Variants in CDH4 observed in about 807,000 individuals in gnomAD.
CDH4 encodes the protein cadherin 4, also known as cadherin-4.
A neutral mutation model predicts 86.0 loss-of-function variants in CDH4; 33 were observed. The ratio of observed to expected loss-of-function variants is 0.38; its 90% CI spans 0.29 to 0.51. CDH4 has a LOEUF of 0.51. CDH4 is among the 20% of genes least tolerant of loss of function. The pLI, the probability that CDH4 is intolerant of heterozygous loss-of-function variation, is 0.86. For synonymous variants in CDH4, 555 were observed against 549.4 expected (o/e 1.01, Z -0.14); for missense variants, 1,114 against 1,307.4 (o/e 0.85, Z 2.28).
At chr20:61,398,389 G>T (rs1334472430) in intron 2 of CDH4, among the ~76,000 whole-genome samples, 1 of 152,214 alleles carries the variant, frequency 6.6e-6, no homozygotes. Context: ...ACTCTGTGAG[G>T]CAGGGCTCCC....
chr20:61,380,123 C>A (rs2084891832), intron 2 of CDH4, among the ~76,000 whole-genome samples: 1 of 152,142 alleles, frequency 6.6e-6, no homozygotes, highest in African/African-American at 2.4e-5. Context: ...ACAGCCACTG[C>A]CTGCTTCACT....
At chr20:61,633,108 ATCCG>A (rs2086910896) in intron 2 of CDH4, among the ~76,000 whole-genome samples, 1 of 148,660 alleles carries the variant, frequency 6.7e-6, no homozygotes, top group South Asian at 2.2e-4. Flanking sequence ...CCATCCATCC[ATCCG>A]TCCATTCACC....
At chr20:61,624,819 G>A (rs906424686) in intron 2 of CDH4, among the ~76,000 whole-genome samples, 4 of 152,174 alleles carry the variant, frequency 2.6e-5, no homozygotes, top group East Asian at 1.9e-4. Flanking sequence ...GGGAGCCGAC[G>A]CTGGCATGGG....
chr20:61,932,990 G>T lies in CDH4; in HGVS notation c.2245G>T (p.Val749Phe). ...LICILILLTM[V>F]LLFVMWMKRR... is the part of the protein sequence containing the mutation. ...CGGGCAGCCCTCCCCCACAGCCATG[G>T]TCCTGCTGTTTGTCATGTGGATGAA... The change falls in exon 14 of 16, where the codon GTC (valine) becomes TTC (phenylalanine). Residue 749 changes from valine to phenylalanine, a missense_variant. Transcript: ENST00000614565. 6.2e-7 allele frequency: 1 copy of T among 1,613,040 alleles called. No individual in the cohort carries two copies. The highest frequency in any genetic ancestry group is 8.5e-7 in the Non-Finnish European group (1 of 1,179,764).
At position 61,731,932 on chromosome 20, in the gene CDH4, C is replaced by G. The variant is rs769960375; in HGVS notation, c.170-11631C>G. On this transcript the variant is annotated intron_variant, in intron 2 of 15. Transcript: ENST00000614565. ...CAGAACCCAGGTTGCCCCACCTGCA[C>G]GGTCCCCCTACCCACCCACTCCCCT... is the stretch of plus-strand genomic sequence containing the variant. Among the ~76,000 whole-genome samples the G allele has an allele frequency of 1.4e-4, 22 of 152,238 alleles. No homozygotes were observed. In the East Asian group the frequency reaches 4.1e-3, roughly 28 times the overall value.
At chr20:61,335,956 A>T (rs916193848) in intron 2 of CDH4, among the ~76,000 whole-genome samples, 4 of 152,180 alleles carry the variant, frequency 2.6e-5, no homozygotes, top group African/African-American at 9.7e-5. Flanking sequence ...TTTTTTAATG[A>T]TGAAAGTAGA....
rs1218875191 is a variant in CDH4 at position 61,845,877 on chromosome 20, C to G, written c.732+1054C>G. ...CGAACAGGGCCCGACCCTGCAGCTT[C>G]TCACGTCTGTGACTATTTGTTTTGG... is the stretch of plus-strand genomic sequence containing the variant. On this transcript the variant is annotated intron_variant, in intron 5 of 15. Coordinates refer to ENST00000614565, the MANE Select transcript of CDH4 (RefSeq NM_001794.5). Among the ~76,000 whole-genome samples, 4 of 152,388 alleles carry G rather than the reference C, an allele frequency of 2.6e-5. No individual in the cohort carries two copies. In the East Asian group the frequency reaches 7.7e-4, roughly 29 times the overall value.
At chr20:61,368,583 C>T (rs541172358) in intron 2 of CDH4, among the ~76,000 whole-genome samples, 2 of 152,138 alleles carry the variant, frequency 1.3e-5, no homozygotes, top group African/African-American at 4.8e-5. Context: ...ACTGTGTCAC[C>T]CAGGCTCACT....
intron 2 of CDH4, among the ~76,000 whole-genome samples, chr20:61,496,329 A>G (rs2085662292): frequency 3.3e-5 from 5 of 151,034 alleles, no homozygotes; most frequent in Admixed American, 2.6e-4. Context: ...TTGAACCAGG[A>G]GGAAGTTGAG....
intron 7 of CDH4, among the ~76,000 whole-genome samples, chr20:61,892,870 AAGGAATAGAAAGACAG>A (rs556400164): frequency 1.3e-5 from 2 of 152,066 alleles, no homozygotes; most frequent in South Asian, 4.2e-4. Context: ...GGGAAGGAGG[AAGGAATAGAAAGACAG>A]AGGGATGGAA....
At chr20:61,844,616 G>T in intron 4 of CDH4, 52 bp from the exon 5 acceptor site, 2 of 1,555,670 alleles carry the variant, frequency 1.3e-6, no homozygotes, top group South Asian at 1.2e-5. Flanking sequence ...ATCGGCCCCG[G>T]GCCTCTCCTC....
chr20:61,587,886 G>A (rs1345490539), intron 2 of CDH4, among the ~76,000 whole-genome samples: 2 of 151,884 alleles, frequency 1.3e-5, no homozygotes, highest in South Asian at 2.1e-4. Flanking sequence ...CCCCCACTCC[G>A]CCCCCGCCCA....
intron 4 of CDH4, among the ~76,000 whole-genome samples, chr20:61,804,280 C>T (rs1265163219): frequency 5.9e-5 from 9 of 152,166 alleles, no homozygotes; most frequent in Admixed American, 2.6e-4. Flanking sequence ...CATCACCAGA[C>T]GGGTGTCACC....
intron 2 of CDH4, among the ~76,000 whole-genome samples, chr20:61,662,502 G>A (rs1357324910): frequency 6.6e-6 from 1 of 152,240 alleles, no homozygotes. Context: ...GCCTGAATGA[G>A]ACTCGGACTG....
intron 9 of CDH4, among the ~76,000 whole-genome samples, chr20:61,920,551 C>T (rs569670791): frequency 5.9e-5 from 8 of 135,850 alleles, no homozygotes; most frequent in Admixed American, 1.5e-4. Context: ...ATGGAAGCAC[C>T]GTGTCATGGT....
At chr20:61,521,841 A>T (rs1296673592) in intron 2 of CDH4, among the ~76,000 whole-genome samples, 1 of 152,210 alleles carries the variant, frequency 6.6e-6, no homozygotes, top group Non-Finnish European at 1.5e-5. Context: ...GCCAACAGGC[A>T]GTGCAACGGC....
At chr20:61,669,188 GGGAT>G (rs1489233946) in intron 2 of CDH4, among the ~76,000 whole-genome samples, 2 of 152,250 alleles carry the variant, frequency 1.3e-5, no homozygotes, top group Non-Finnish European at 2.9e-5. Flanking sequence ...AGAGCACTAT[GGGAT>G]GGAGAGGACA....
chr20:61,273,266 T>A, intron 2 of CDH4, among the ~76,000 whole-genome samples: 1 of 123,136 alleles, frequency 8.1e-6, no homozygotes, highest in East Asian at 2.6e-4. Context: ...GGGAGTACCG[T>A]GTGCAGTTTG....
chr20:61,430,438 T>C (rs2085240212), intron 2 of CDH4, among the ~76,000 whole-genome samples: 2 of 152,126 alleles, frequency 1.3e-5, no homozygotes, highest in African/African-American at 4.8e-5. Flanking sequence ...CCAAAACAGT[T>C]TGATGTGTAA....
Sources: gnomAD v4.1 joint callset for allele counts (sites outside exome capture counted in the v4.1 genomes callset) on GRCh38, gnomAD v4.1.1 for gene constraint, MANE v1.5 for transcripts, NCBI Gene and HGNC (gene_info 2026-07-23, HGNC 2026-07-21) for gene names.